Variants in NOMO2 observed in about 807,000 individuals in gnomAD.
NOMO2 encodes BOS complex subunit NOMO2.
In NOMO2, 14 loss-of-function variants were observed where a neutral mutation model predicts 67.1. That is an observed-to-expected ratio of 0.21 (90% CI 0.14 to 0.33). The LOEUF is 0.33. Among genes scored for constraint, NOMO2 ranks in the 10% least tolerant of loss-of-function variants. NOMO2 has a pLI of 1.00. For synonymous variants in NOMO2, 80 were observed against 305.9 expected (o/e 0.26, Z 7.71); for missense variants, 178 against 761.0 (o/e 0.23, Z 9.01).
intron 15 of NOMO2, chr16:18,527,984 C>T (rs1271808405): frequency 4.0e-6 from 2 of 499,954 alleles, no homozygotes; most frequent in South Asian, 1.5e-5. Context: ...TGAAAATAAA[C>T]AGGAAAGCAA....
At chr16:18,528,034 G>A (rs1325263006) in intron 15 of NOMO2, 4 of 473,986 alleles carry the variant, frequency 8.4e-6, no homozygotes, top group Non-Finnish European at 1.7e-5. Context: ...TAGCTCGCTG[G>A]TCCCAGGGCA....
In NOMO2 at chr16:18,529,594, C is replaced by A. The variant is rs1430481033; in HGVS notation, c.1713G>T (p.Leu571=). The A allele has an allele frequency of 6.2e-7, 1 of 1,604,946 alleles. No homozygotes were observed. Among genetic ancestry groups the A allele is most frequent in the Non-Finnish European group, 8.5e-7 (1 of 1,175,670 alleles). Residue 571 remains leucine, a synonymous_variant, in exon 15 of 31, where the codon CTG becomes CTT. Coordinates refer to ENST00000622306, the MANE Select transcript of NOMO2 (RefSeq NM_173614.4). ...HEDWCWKNKS[L]EVEVLEDDVS... is the part of the protein sequence containing the mutation. ...CGTCATCCTCCAGCACTTCCACCTC[C>A]AGGCTCTTGTTCTTCCAGCACCAAT...
intron 3 of NOMO2, among the ~76,000 whole-genome samples, chr16:18,552,648 C>T (rs1901814037): frequency 6.6e-6 from 1 of 151,004 alleles, no homozygotes; most frequent in South Asian, 2.1e-4. Context: ...GATAATACCA[C>T]ACCCCCACCA....
chr16:18,536,431 T>C (rs1901424758), intron 11 of NOMO2, among the ~76,000 whole-genome samples: 1 of 149,070 alleles, frequency 6.7e-6, no homozygotes, highest in South Asian at 2.1e-4. Flanking sequence ...GTATTTGTCT[T>C]TTTTGTCTTT....
At chr16:18,558,182 T>C (rs1164172254) in intron 1 of NOMO2, among the ~76,000 whole-genome samples, 19 of 137,734 alleles carry the variant, frequency 1.4e-4, no homozygotes, top group African/African-American at 3.8e-4. Context: ...CTCCCAGCAC[T>C]TCAGGAGGCT....
At chr16:18,528,651 C>T (rs1462407337) in intron 15 of NOMO2, among the ~76,000 whole-genome samples, 1 of 151,806 alleles carries the variant, frequency 6.6e-6, no homozygotes, top group Non-Finnish European at 1.5e-5. Context: ...TTCCCCTGCG[C>T]TGGAACAAAT....
chr16:18,560,279 G>C lies in NOMO2; in HGVS notation c.165+1597C>G, dbSNP rs919549537. Among the ~76,000 whole-genome samples the C allele has an allele frequency of 3.6e-4, 55 of 151,588 alleles. 2 individuals are homozygous for C. The highest frequency in any genetic ancestry group is 7.7e-4 in the Non-Finnish European group (52 of 67,934). ...CACACCATCTGGACAGGCAGCCCTT[G>C]GGCTTAAGGAACACACTTTGAAATG... On this transcript the variant is annotated intron_variant, in intron 1 of 30. Coordinates refer to ENST00000622306, the MANE Select transcript of NOMO2 (RefSeq NM_173614.4).
intron 6 of NOMO2, among the ~76,000 whole-genome samples, chr16:18,545,182 C>A (rs1230338594): frequency 3.6e-4 from 54 of 148,840 alleles, no homozygotes; most frequent in Middle Eastern, 3.4e-3. Flanking sequence ...TGCTACCTCC[C>A]CCTCCCAGGT....
intron 2 of NOMO2, among the ~76,000 whole-genome samples, chr16:18,555,373 T>G (rs1226189407): frequency 2.0e-5 from 3 of 146,440 alleles, no homozygotes; most frequent in South Asian, 2.2e-4. Flanking sequence ...GTACAAAAAA[T>G]GTTCTTAAAA....
At chr16:18,555,671 C>T (rs1310566130) in intron 2 of NOMO2, among the ~76,000 whole-genome samples, 2 of 144,938 alleles carry the variant, frequency 1.4e-5, no homozygotes, top group East Asian at 4.0e-4. Context: ...TGAAGTGGTG[C>T]GATCTTGGCT....
In NOMO2 at chr16:18,531,681, C is replaced by T. The variant is rs1901306293; in HGVS notation, c.1396-74G>A. 4 of 1,599,714 alleles carry T rather than the reference C, an allele frequency of 2.5e-6. No homozygotes were observed. The South Asian group carries it at 3.4e-5, about 13-fold the overall frequency. ...CCCCCTGACCTACAGGGCGCTAGAA[C>T]ATTCATCTGGGACTAAGGCTAAAGA... On this transcript the variant is annotated intron_variant, in intron 12 of 30. Transcript: ENST00000622306.
At chr16:18,528,009 C>T (rs763292875) in intron 15 of NOMO2, 12 of 490,256 alleles carry the variant, frequency 2.4e-5, no homozygotes, top group South Asian at 1.7e-4. Flanking sequence ...AGAACAATCC[C>T]CACCTAGGGG....
intron 2 of NOMO2, among the ~76,000 whole-genome samples, chr16:18,556,362 A>G (rs920370754): frequency 1.3e-5 from 2 of 151,704 alleles, no homozygotes; most frequent in Admixed American, 6.6e-5. Flanking sequence ...GCTGAGGCAG[A>G]AACCCAGGAG....
chr16:18,544,930 C>T (rs192081447), intron 6 of NOMO2, among the ~76,000 whole-genome samples: 2,918 of 149,846 alleles, frequency 0.019, 1 homozygote, highest in African/African-American at 0.069. Flanking sequence ...CGGTCACTAA[C>T]ACCCCAGGAG....
intron 11 of NOMO2, among the ~76,000 whole-genome samples, chr16:18,534,351 A>T (rs1901372895): frequency 6.7e-6 from 1 of 150,334 alleles, no homozygotes; most frequent in Non-Finnish European, 1.5e-5. Flanking sequence ...AAAAAAAAAA[A>T]ATCAAAAGAA....
intron 1 of NOMO2, among the ~76,000 whole-genome samples, chr16:18,559,818 T>C (rs550915353): frequency 6.6e-6 from 1 of 151,820 alleles, no homozygotes; most frequent in South Asian, 2.1e-4. Flanking sequence ...AAGAACCCAG[T>C]TTTTAATGTG....
chr16:18,528,363 G>A (rs538173016), intron 15 of NOMO2, among the ~76,000 whole-genome samples: 18 of 151,878 alleles, frequency 1.2e-4, no homozygotes, highest in Admixed American at 7.2e-4. Flanking sequence ...ATTATGAACC[G>A]GATATTAATC....
At chr16:18,526,277 G>A (rs1272509005) in intron 16 of NOMO2, among the ~76,000 whole-genome samples, 11 of 152,216 alleles carry the variant, frequency 7.2e-5, no homozygotes, top group South Asian at 2.1e-4. Context: ...AAATGTTGGC[G>A]AAGGAGGTGA....
In NOMO2 at chr16:18,550,820, C is replaced by T. The variant is rs71238317; in HGVS notation, c.402+619G>A. ...AAGATGCCACAAGGCTTAGAGAGTG[C>T]GTCCTTCCAATTCGGCATCCCTGTA... On this transcript the variant is annotated intron_variant, in intron 4 of 30. Transcript: ENST00000622306. Among the ~76,000 whole-genome samples, 79 of 152,088 alleles carry T rather than the reference C, an allele frequency of 5.2e-4. 1 individual carries two copies. Among genetic ancestry groups the T allele is most frequent in the Middle Eastern group, 3.4e-3 (1 of 294 alleles).
Sources: gnomAD v4.1 joint callset for allele counts (sites outside exome capture counted in the v4.1 genomes callset) on GRCh38, gnomAD v4.1.1 for gene constraint, MANE v1.5 for transcripts, NCBI Gene and HGNC (gene_info 2026-07-23, HGNC 2026-07-21) for gene names.